The following CENPU variants were observed in gnomAD, a reference collection of about 807,000 sequenced individuals.
CENPU encodes the protein centromere protein U, also known as KSHV latent nuclear antigen interacting protein 1.
CENPU carries 46 observed loss-of-function variants against 56.7 expected under a neutral mutation model. The ratio of observed to expected loss-of-function variants is 0.81; its 90% CI spans 0.64 to 1.04. The LOEUF is 1.04. CENPU is among the 50% of genes least tolerant of loss of function. The pLI is 0.00. For synonymous variants in CENPU, 166 were observed against 163.0 expected, an observed-to-expected ratio of 1.02 and a Z score of -0.14; for missense variants, 510 against 490.1, an observed-to-expected ratio of 1.04 and a Z score of -0.38.
chr4:184,733,232 G>T (rs1010044930), intron 1 of CENPU: 80 of 809,716 alleles, frequency 9.9e-5, no homozygotes, highest in Non-Finnish European at 1.2e-4. Flanking sequence ...GTCTGGTCTC[G>T]GTTTCCCCAC....
intron 8 of CENPU, among the ~76,000 whole-genome samples, chr4:184,704,772 G>A (rs929473142): frequency 1.3e-5 from 2 of 152,148 alleles, no homozygotes; most frequent in Admixed American, 6.5e-5. Flanking sequence ...GATTGCTGGG[G>A]GAGGGAGGAA....
intron 4 of CENPU, among the ~76,000 whole-genome samples, chr4:184,721,570 T>C (rs150748244): frequency 5.1e-4 from 77 of 152,050 alleles, no homozygotes; most frequent in African/African-American, 1.8e-3. Flanking sequence ...GATATTCCAT[T>C]GTCAATGGAA....
intron 12 of CENPU, among the ~76,000 whole-genome samples, chr4:184,696,033 C>CT (rs1760284930): frequency 6.6e-6 from 1 of 152,140 alleles, no homozygotes; most frequent in African/African-American, 2.4e-5. Context: ...CAAAGTCAAA[C>CT]TTCCAGTTGC....
intron 8 of CENPU, 79 bp downstream of exon 8, chr4:184,709,993 C>A: frequency 1.7e-6 from 1 of 598,922 alleles, no homozygotes; most frequent in Non-Finnish European, 2.9e-6. Flanking sequence ...TAGTACATAA[C>A]AAAAACTGTA....
intron 8 of CENPU, among the ~76,000 whole-genome samples, chr4:184,705,066 C>T (rs1036791520): frequency 1.3e-5 from 2 of 152,118 alleles, no homozygotes; most frequent in Non-Finnish European, 2.9e-5. Flanking sequence ...CAACTGCACT[C>T]TTGGGCATTT....
chr4:184,703,256 A>C (rs1453506107), intron 8 of CENPU, among the ~76,000 whole-genome samples: 2 of 152,248 alleles, frequency 1.3e-5, no homozygotes, highest in African/African-American at 2.4e-5. Context: ...TAGACCCAGC[A>C]GACTTTATTC....
intron 1 of CENPU, 26 bp downstream of exon 1, chr4:184,733,990 C>T (rs1487347627): frequency 6.2e-7 from 1 of 1,610,754 alleles, no homozygotes; most frequent in Non-Finnish European, 8.5e-7. Flanking sequence ...TCCGGCCCCG[C>T]GCTCCCGAGG....
At chr4:184,733,566 A>T (rs1459269713) in intron 1 of CENPU, among the ~76,000 whole-genome samples, 1 of 152,198 alleles carries the variant, frequency 6.6e-6, no homozygotes, top group African/African-American at 2.4e-5. Context: ...CCCCAGCCGG[A>T]TTTATGCTCC....
intron 5 of CENPU, 63 bp from the exon 6 acceptor site, chr4:184,716,696 T>A: frequency 7.9e-7 from 1 of 1,262,482 alleles, no homozygotes; most frequent in Non-Finnish European, 1.1e-6. Flanking sequence ...ATTCTTACTG[T>A]AATAGTAGAA....
At chr4:184,702,819 C>T (rs59712748) in intron 8 of CENPU, among the ~76,000 whole-genome samples, 35,390 of 151,986 alleles carry the variant, frequency 0.23, 4,318 homozygotes, top group African/African-American at 0.28. Context: ...TAAGAACACG[C>T]GGTATTTGGC....
At chr4:184,696,415 G>A (rs1024795432) in intron 12 of CENPU, among the ~76,000 whole-genome samples, 1 of 152,088 alleles carries the variant, frequency 6.6e-6, no homozygotes, top group Non-Finnish European at 1.5e-5. Context: ...TCCAAACAAG[G>A]CAGAGACACT....
At chr4:184,722,303 A>C (rs1259427177) in intron 4 of CENPU, among the ~76,000 whole-genome samples, 2 of 152,218 alleles carry the variant, frequency 1.3e-5, no homozygotes, top group Admixed American at 1.3e-4. Context: ...CTTTAAATAA[A>C]TAACCTAATG....
chr4:184,700,631 C>T (rs1760502382), intron 11 of CENPU, among the ~76,000 whole-genome samples, 189 bp downstream of exon 11: 2 of 152,134 alleles, frequency 1.3e-5, no homozygotes, highest in African/African-American at 4.8e-5. Context: ...GGAGATAGAT[C>T]AGTGTGGAAT....
chr4:184,720,576 C>T (rs1236809541), intron 4 of CENPU, among the ~76,000 whole-genome samples: 4 of 152,060 alleles, frequency 2.6e-5, no homozygotes, highest in South Asian at 4.1e-4. Flanking sequence ...GGAAGACTCC[C>T]TCAAGGCATT....
Position 184,702,143 on chromosome 4 carries a change from A to C in CENPU, c.877-7T>G. The C allele has an allele frequency of 1.3e-6, 2 of 1,599,612 alleles. No individual in the cohort carries two copies. The highest frequency in any genetic ancestry group is 1.7e-6 in the Non-Finnish European group (2 of 1,168,870). ...ACATCTGGCTTTCTTTAAGCTACAC[A>C]AAACAAAAAATACACATGTACATCA... is the stretch of plus-strand genomic sequence containing the variant. On this transcript the variant is annotated splice_region_variant and splice_polypyrimidine_tract_variant and intron_variant, in intron 9 of 12. Coordinates refer to ENST00000281453, the MANE Select transcript of CENPU (RefSeq NM_024629.4).
At chr4:184,702,467 A>G (rs768419894) in intron 8 of CENPU, 26 bp from the exon 9 acceptor site, 1 of 1,547,146 alleles carries the variant, frequency 6.5e-7, no homozygotes, top group South Asian at 1.2e-5. Context: ...AAAAAAGTCT[A>G]AGTACCATGA....
At chr4:184,731,027 C>T in intron 1 of CENPU, 59 bp from the exon 2 acceptor site, 1 of 1,247,650 alleles carries the variant, frequency 8.0e-7, no homozygotes, top group Non-Finnish European at 1.1e-6. Flanking sequence ...TGAGGAAACA[C>T]CATAGTTATG....
intron 5 of CENPU, 113 bp from the exon 6 acceptor site, chr4:184,716,746 A>G: frequency 1.3e-6 from 1 of 793,024 alleles, no homozygotes; most frequent in Non-Finnish European, 2.0e-6. Flanking sequence ...TCTACACTTC[A>G]AAATTGAACA....
In CENPU at chr4:184,694,717, A is replaced by G. The variant is rs750199085; in HGVS notation, c.*571T>C. ...TGAAGCTGCAGAGAACAGTCTTCTCAGTTATAACAGTGAAGTGGATGAAAT... is the reference window on the plus strand; with the variant it reads ...TGAAGCTGCAGAGAACAGTCTTCTCGGTTATAACAGTGAAGTGGATGAAAT... On this transcript the variant is annotated 3_prime_UTR_variant, in exon 13 of 13. Transcript: ENST00000281453. 6.2e-7 allele frequency: 1 copy of G among 1,611,596 alleles called. No individual in the cohort carries two copies. The highest frequency in any genetic ancestry group is 1.1e-5 in the South Asian group (1 of 91,034).
Sources: allele counts gnomAD v4.1 joint callset (sites outside exome capture counted in the v4.1 genomes callset), GRCh38; gene constraint gnomAD v4.1.1; transcripts MANE v1.5; gene names NCBI Gene and HGNC (gene_info 2026-07-23, HGNC 2026-07-21).